The following HNRNPM variants were observed in gnomAD, a reference collection of about 807,000 sequenced individuals.
HNRNPM encodes the protein CEA receptor.
Under a neutral mutation model 73.1 loss-of-function variants are expected in HNRNPM, and 11 were observed. That is an observed-to-expected ratio of 0.15 (90% CI 0.09 to 0.25). The LOEUF (loss-of-function observed/expected upper bound fraction) is 0.25, where lower values mean the gene tolerates loss of function less well. Among genes scored for constraint, HNRNPM ranks in the 10% least tolerant of loss-of-function variants. The pLI is 1.00. For missense variants in HNRNPM, 789 were observed against 1,067.9 expected (o/e 0.74, Z 3.64); for synonymous variants, 407 against 355.2 (o/e 1.15, Z -1.64).
chr19:8,475,404 G>A (rs976703037), intron 12 of HNRNPM, among the ~76,000 whole-genome samples: 3 of 152,234 alleles, frequency 2.0e-5, no homozygotes, highest in Admixed American at 6.5e-5. Context: ...TTTTTACACA[G>A]AAACTTTCTT....
At chr19:8,475,407 A>G (rs1970430579) in intron 12 of HNRNPM, among the ~76,000 whole-genome samples, 1 of 152,200 alleles carries the variant, frequency 6.6e-6, no homozygotes, top group Non-Finnish European at 1.5e-5. Flanking sequence ...TTACACAGAA[A>G]CTTTCTTGGA....
intron 10 of HNRNPM, among the ~76,000 whole-genome samples, chr19:8,473,027 C>A (rs1003976019): frequency 3.3e-5 from 5 of 151,936 alleles, no homozygotes; most frequent in Non-Finnish European, 5.9e-5. Context: ...GCCTGTAATC[C>A]CAGCAATTTG....
chr19:8,487,231 G>A (rs902775236), intron 15 of HNRNPM, 156 bp downstream of exon 15: 26 of 722,530 alleles, frequency 3.6e-5, no homozygotes, highest in Non-Finnish European at 5.4e-5. Context: ...AGGTTGTTGA[G>A]TGTCCTGTGA....
chr19:8,458,390 G>GA (rs1369012011), intron 2 of HNRNPM, among the ~76,000 whole-genome samples: 4 of 152,298 alleles, frequency 2.6e-5, no homozygotes, highest in Non-Finnish European at 5.9e-5. Flanking sequence ...GGACTGGGTG[G>GA]AAAAAATAAA....
chr19:8,483,438 T>G lies in HNRNPM; in HGVS notation c.1174+227T>G, dbSNP rs188330058. Among the ~76,000 whole-genome samples, 211 of 152,364 alleles carry G rather than the reference T, an allele frequency of 1.4e-3. 1 individual carries two copies. Among genetic ancestry groups the G allele is most frequent in the African/African-American group, 4.7e-3 (197 of 41,592 alleles). ...GTAATAGTACCTGCCTCAGGGATGC[T>G]GTGGAGAGTGAATGCATGTGAAAGA... On this transcript the variant is annotated intron_variant, in intron 13 of 15. Transcript: ENST00000325495.
Position 8,463,518 on chromosome 19 carries a change from A to G in HNRNPM, c.344+14A>G, listed in dbSNP as rs1012295760. 6.2e-6 allele frequency: 10 copies of G among 1,613,252 alleles called. No individual in the cohort carries two copies. Among genetic ancestry groups the G allele is most frequent in the Non-Finnish European group, 8.5e-6 (10 of 1,179,450 alleles). On this transcript the variant is annotated intron_variant, in intron 4 of 15. Transcript: ENST00000325495. ...AAAGGGATGTGCGTAAGTATCGTCT[A>G]GTTACTTATTGGTATTTGAGCCTTC...
At chr19:8,457,477 T>G (rs140474242) in intron 2 of HNRNPM, among the ~76,000 whole-genome samples, 4 of 152,344 alleles carry the variant, frequency 2.6e-5, no homozygotes, top group East Asian at 1.9e-4. Flanking sequence ...TAATTTAGAA[T>G]TACAGGTGTG....
intron 12 of HNRNPM, chr19:8,482,476 C>T (rs1970989180): frequency 6.6e-6 from 1 of 152,348 alleles, no homozygotes; most frequent in African/African-American, 2.4e-5. Context: ...TGAGCAGCAG[C>T]ACTGTGTTTG....
Position 8,483,325 on chromosome 19 carries a change from A to G in HNRNPM, c.1174+114A>G, listed in dbSNP as rs903792158. On this transcript the variant is annotated intron_variant, in intron 13 of 15. Transcript: ENST00000325495. ...TCTGACACAGACTGCCCGGGGTGGG[A>G]GCAGCTCTGCCTTTTTCTAGCTGTG... is the stretch of plus-strand genomic sequence containing the variant. The G allele has an allele frequency of 2.1e-5, 16 of 773,896 alleles. No homozygotes were observed. In the Admixed American group the frequency reaches 3.8e-4, roughly 18 times the overall value. 47.9% of individuals were successfully genotyped at this position (773,896 alleles called of 1,614,324 possible). A position where few individuals can be genotyped will look rare whatever the true frequency, so the allele number is the denominator to read the frequency against.
At chr19:8,465,281 G>A (rs745348650) in intron 5 of HNRNPM, 43 bp from the exon 6 acceptor site, 2 of 1,483,310 alleles carry the variant, frequency 1.3e-6, no homozygotes, top group South Asian at 1.3e-5. Context: ...GGTTTGCGTT[G>A]TACTGGGTCA....
rs752342070 is a variant in HNRNPM, at chr19:8,488,660, A to AGT, written c.2030-28_2030-27dup. 4.4e-6 allele frequency: 7 copies of AGT among 1,592,062 alleles called. No homozygotes were observed. In the East Asian group the frequency reaches 1.6e-4, roughly 36 times the overall value. On this transcript the variant is annotated intron_variant, in intron 15 of 15. Coordinates refer to ENST00000325495, the MANE Select transcript of HNRNPM (RefSeq NM_005968.5). ...CCAAAATCTAACAAAATCGGGACTG[A>AGT]GTGTCGTCTCTTCTTCCCTCCCTGT...
chr19:8,468,349 TTAC>T (rs752357859), intron 8 of HNRNPM, among the ~76,000 whole-genome samples: 23 of 152,224 alleles, frequency 1.5e-4, no homozygotes, highest in Admixed American at 2.6e-4. Context: ...AAGATAATAA[TTAC>T]TACAGGCATG....
chr19:8,461,168 G>GGGT (rs1286677790), intron 2 of HNRNPM, among the ~76,000 whole-genome samples: 9 of 152,214 alleles, frequency 5.9e-5, no homozygotes, highest in Non-Finnish European at 1.0e-4. Context: ...AGGACAAAGA[G>GGGT]GGTGAGGCTC....
intron 1 of HNRNPM, among the ~76,000 whole-genome samples, chr19:8,455,170 A>G (rs1345567616): frequency 6.6e-6 from 1 of 152,028 alleles, no homozygotes; most frequent in Non-Finnish European, 1.5e-5. Flanking sequence ...TTGTTTTGAC[A>G]GGGTCTTGCT....
rs1486035195 is a variant in HNRNPM at position 8,488,841 on chromosome 19, A to T, written c.2180A>T (p.Asp727Val). The T allele has an allele frequency of 6.2e-7, 1 of 1,613,568 alleles. No homozygotes were observed. Among genetic ancestry groups the T allele is most frequent in the Non-Finnish European group, 8.5e-7 (1 of 1,179,674 alleles). Residue 727 changes from aspartate to valine, a missense_variant, in exon 16 of 16, where the codon GAT (aspartate) becomes GTT (valine). Around this residue, in one of 4 missense-constraint regions of HNRNPM, gnomAD observed 43 missense variants for 105.8 expected, o/e 0.41. Transcript: ENST00000325495. ...GGCCGAGAGATTGACGTTCGAATTG[A>T]TAGAAACGCTTAAGCAGTTGCCTTT... is the stretch of plus-strand genomic sequence containing the variant. ...LSGREIDVRI[D>V]RNA
At chr19:8,455,928 A>G (rs1235440312) in intron 2 of HNRNPM, among the ~76,000 whole-genome samples, 3 of 115,068 alleles carry the variant, frequency 2.6e-5, no homozygotes, top group African/African-American at 8.8e-5. Context: ...GGTGGGAGAG[A>G]TTTTTCCTTT....
In HNRNPM at chr19:8,467,526, T is replaced by C. The variant is rs1969838254; in HGVS notation, c.785-9T>C. On this transcript the variant is annotated splice_polypyrimidine_tract_variant and intron_variant, in intron 7 of 15. Coordinates refer to ENST00000325495, the MANE Select transcript of HNRNPM (RefSeq NM_005968.5). ...GAATTGCAAGAAATAGCCTTAATTGTAATACCAGCTATGTTCAATGGCCAG... is the reference window on the plus strand; with the variant it reads ...GAATTGCAAGAAATAGCCTTAATTGCAATACCAGCTATGTTCAATGGCCAG... The C allele has an allele frequency of 6.2e-7, 1 of 1,607,120 alleles. No homozygotes were observed. The highest frequency in any genetic ancestry group is 8.5e-7 in the Non-Finnish European group (1 of 1,173,810).
intron 1 of HNRNPM, among the ~76,000 whole-genome samples, chr19:8,450,708 A>G (rs952974178): frequency 1.1e-5 from 1 of 94,560 alleles, no homozygotes; most frequent in Non-Finnish European, 2.4e-5. Flanking sequence ...ATTTAATTTA[A>G]TTAATTATTA....
At chr19:8,446,532 C>G (rs540471304) in intron 1 of HNRNPM, among the ~76,000 whole-genome samples, 1 of 152,272 alleles carries the variant, frequency 6.6e-6, no homozygotes, top group African/African-American at 2.4e-5. Context: ...ATCTCAGCCT[C>G]CTGAGTAGCT....
Sources: allele counts gnomAD v4.1 joint callset (sites outside exome capture counted in the v4.1 genomes callset), GRCh38; gene constraint gnomAD v4.1.1; regional missense constraint gnomAD v4.1.1; transcripts MANE v1.5; gene names NCBI Gene and HGNC (gene_info 2026-07-23, HGNC 2026-07-21).